NCKAP5: variants seen among roughly 807,000 people sequenced by gnomAD.
NCKAP5 encodes nck-associated protein 5.
Under a neutral mutation model 167.0 loss-of-function variants are expected in NCKAP5, and 92 were observed. The observed-to-expected ratio is 0.55, with a 90% CI of 0.47 to 0.66. The LOEUF is 0.66. Among genes scored for constraint, NCKAP5 ranks in the 30% least tolerant of loss-of-function variants. The pLI, the probability that NCKAP5 is intolerant of heterozygous loss-of-function variation, is 0.00. For synonymous variants in NCKAP5, 891 were observed against 877.4 expected (o/e 1.02, Z -0.27); for missense variants, 2,378 against 2,315.0 (o/e 1.03, Z -0.56).
intron 11 of NCKAP5, among the ~76,000 whole-genome samples, chr2:132,813,124 C>T (rs962141157): frequency 5.9e-5 from 9 of 152,150 alleles, no homozygotes; most frequent in South Asian, 2.1e-4. Flanking sequence ...TGTCCAGAGA[C>T]GAGAGAGAAT....
intron 5 of NCKAP5, among the ~76,000 whole-genome samples, chr2:133,182,683 A>G (rs2084787532): frequency 6.6e-6 from 1 of 152,218 alleles, no homozygotes. Flanking sequence ...GTCTCAAATC[A>G]GTAATGTAAG....
At chr2:133,465,980 G>C (rs1474333777) in intron 3 of NCKAP5, among the ~76,000 whole-genome samples, 2 of 151,842 alleles carry the variant, frequency 1.3e-5, no homozygotes, top group African/African-American at 2.4e-5. Flanking sequence ...TCTGATGGTA[G>C]TTTCTTTTGC....
chr2:133,520,706 A>C (rs1180221086), intron 2 of NCKAP5, among the ~76,000 whole-genome samples: 1 of 152,220 alleles, frequency 6.6e-6, no homozygotes, highest in Non-Finnish European at 1.5e-5. Flanking sequence ...CAAATAGTCC[A>C]ATCTGCCTAT....
In NCKAP5 at chr2:133,391,610, T is replaced by A. The variant is rs139676851; in HGVS notation, c.70-88500A>T. Reference sequence around the variant, plus strand: ...TCACCCAAGTTTGAAATCTGGGAAATCTTGCTCCCCAGCCCTCTTCCCCGC... The same window carrying A: ...TCACCCAAGTTTGAAATCTGGGAAAACTTGCTCCCCAGCCCTCTTCCCCGC... On this transcript the variant is annotated intron_variant, in intron 3 of 19. Transcript: ENST00000409261. Among the ~76,000 whole-genome samples the A allele has an allele frequency of 4.8e-3, 734 of 152,250 alleles. 6 individuals are homozygous for A. Among genetic ancestry groups the A allele is most frequent in the Middle Eastern group, 0.017 (5 of 294 alleles).
intron 16 of NCKAP5, among the ~76,000 whole-genome samples, chr2:132,748,025 T>G (rs1679794594): frequency 6.6e-6 from 1 of 152,206 alleles, no homozygotes; most frequent in Non-Finnish European, 1.5e-5. Flanking sequence ...AAGAATGGTA[T>G]TAGCTCACAG....
the NCKAP5 span, among the ~76,000 whole-genome samples, chr2:133,648,913 C>T: frequency 6.8e-6 from 1 of 146,196 alleles, no homozygotes; most frequent in Non-Finnish European, 1.5e-5. Context: ...CAAAAATAAA[C>T]AAATAAATAA....
At chr2:133,235,043 T>C (rs1200799166) in intron 4 of NCKAP5, among the ~76,000 whole-genome samples, 3 of 151,030 alleles carry the variant, frequency 2.0e-5, no homozygotes, top group Middle Eastern at 3.2e-3. Flanking sequence ...AGGTCCTTGG[T>C]AGAGTCTCAT....
chr2:133,002,499 C>G (rs2077820350), intron 6 of NCKAP5, among the ~76,000 whole-genome samples: 1 of 152,162 alleles, frequency 6.6e-6, no homozygotes, highest in Non-Finnish European at 1.5e-5. Context: ...GTAACTAAAA[C>G]TGTAGAAAGT....
intron 19 of NCKAP5, among the ~76,000 whole-genome samples, chr2:132,709,386 C>T (rs1047490311): frequency 5.9e-5 from 9 of 151,364 alleles, no homozygotes; most frequent in Admixed American, 1.3e-4. Flanking sequence ...TAGAGGGGCA[C>T]GATACAATAG....
the NCKAP5 span, among the ~76,000 whole-genome samples, chr2:133,580,846 A>G: frequency 6.6e-6 from 1 of 152,176 alleles, no homozygotes; most frequent in Admixed American, 6.5e-5. Context: ...TCTTATGAAT[A>G]TATATTCAGT....
chr2:133,231,465 T>G (rs1428349442), intron 4 of NCKAP5, among the ~76,000 whole-genome samples: 1 of 152,208 alleles, frequency 6.6e-6, no homozygotes. Context: ...CCAGTTTAAC[T>G]ACGCTCATGT....
chr2:133,404,311 T>C (rs951525166), intron 3 of NCKAP5, among the ~76,000 whole-genome samples: 4 of 152,194 alleles, frequency 2.6e-5, no homozygotes, highest in Non-Finnish European at 4.4e-5. Flanking sequence ...TAAAACTTTG[T>C]TATAGTAGTC....
At chr2:133,024,250 T>C (rs1429770924) in intron 6 of NCKAP5, among the ~76,000 whole-genome samples, 2 of 152,210 alleles carry the variant, frequency 1.3e-5, no homozygotes, top group East Asian at 1.9e-4. Context: ...ACTGTATATA[T>C]TTGAAATAAA....
At chr2:133,493,422 CT>C (rs2151360184) in intron 3 of NCKAP5, among the ~76,000 whole-genome samples, 1 of 152,308 alleles carries the variant, frequency 6.6e-6, no homozygotes, top group South Asian at 2.1e-4. Context: ...CTCACCATGA[CT>C]TTGGCAAGCA....
At chr2:133,318,711 C>T (rs1294128047) in intron 3 of NCKAP5, among the ~76,000 whole-genome samples, 2 of 152,110 alleles carry the variant, frequency 1.3e-5, no homozygotes, top group East Asian at 1.9e-4. Flanking sequence ...AGCCCTTGTG[C>T]CCAGGGCCCC....
At chr2:132,708,179 C>T (rs2566526) in intron 19 of NCKAP5, among the ~76,000 whole-genome samples, 59,127 of 151,576 alleles carry the variant, frequency 0.39, 13,064 homozygotes, top group East Asian at 0.55. Flanking sequence ...GAAAAGGAGA[C>T]GGAAGAGTAA....
chr2:133,467,557 A>G (rs1320350066), intron 3 of NCKAP5, among the ~76,000 whole-genome samples: 1 of 149,882 alleles, frequency 6.7e-6, no homozygotes, highest in East Asian at 2.0e-4. Context: ...CTCTTTTTCT[A>G]TTGATTGGAA....
intron 9 of NCKAP5, among the ~76,000 whole-genome samples, chr2:132,871,119 T>G (rs1301473798): frequency 6.6e-6 from 1 of 152,206 alleles, no homozygotes; most frequent in Non-Finnish European, 1.5e-5. Context: ...TAAACTATAC[T>G]TTCATTAACT....
Position 132,860,486 on chromosome 2 carries a change from AC to A in NCKAP5, c.807+5del. On this transcript the variant is annotated splice_donor_5th_base_variant and intron_variant, in intron 11 of 19. Coordinates refer to ENST00000409261, the MANE Select transcript of NCKAP5 (RefSeq NM_207363.3). ...AGCAAAGATTGTTTTCCAGATAAAC[AC>A]ATACCTGGAGGAGCAGATCAGAAGT... 1 of 1,563,698 alleles carries A rather than the reference AC, an allele frequency of 6.4e-7. No homozygotes were observed. The highest frequency in any genetic ancestry group is 8.7e-7 in the Non-Finnish European group (1 of 1,152,210).
Sources: gnomAD v4.1 joint callset for allele counts (sites outside exome capture counted in the v4.1 genomes callset) on GRCh38, gnomAD v4.1.1 for gene constraint, MANE v1.5 for transcripts, NCBI Gene and HGNC (gene_info 2026-07-23, HGNC 2026-07-21) for gene names.